The following FBXO27 variants were observed in gnomAD, a reference collection of about 807,000 sequenced individuals.
FBXO27 encodes the protein F-box only protein 27.
In FBXO27, 28 loss-of-function variants were observed where a neutral mutation model predicts 28.3. The observed-to-expected ratio is 0.99, with a 90% CI of 0.73 to 1.36. The LOEUF is 1.36. FBXO27 is among the 40% of genes most tolerant of loss of function. The pLI is 0.00. For synonymous variants in FBXO27, 175 were observed against 167.3 expected (o/e 1.05, Z -0.36); for missense variants, 388 against 394.1 (o/e 0.98, Z 0.13).
At chr19:39,029,086 T>C (rs1418319500) in intron 4 of FBXO27, among the ~76,000 whole-genome samples, 1 of 150,998 alleles carries the variant, frequency 6.6e-6, no homozygotes, top group African/African-American at 2.4e-5. Context: ...GATGTATCTC[T>C]TAATGAGATG....
At position 39,024,851 on chromosome 19, in the gene FBXO27, T is replaced by C. The variant is rs1235687571; in HGVS notation, c.*560A>G. On this transcript the variant is annotated 3_prime_UTR_variant, in exon 6 of 6. Transcript: ENST00000292853. ...AACTTTTTTTTTTTAACGTAGACTT[T>C]CAGCTGCATGACCTGGTCCCAGCCC... 1 of 152,474 alleles carries C rather than the reference T, an allele frequency of 6.6e-6. No individual in the cohort carries two copies. Among genetic ancestry groups the C allele is most frequent in the Non-Finnish European group, 1.5e-5 (1 of 68,408 alleles). The allele number at this position is 152,474 out of a possible 1,614,324, so 9.4% of individuals were successfully genotyped here. A position where few individuals can be genotyped will look rare whatever the true frequency, so the allele number is the denominator to read the frequency against.
At chr19:39,027,706 G>GT (rs924380425) in intron 4 of FBXO27, among the ~76,000 whole-genome samples, 2 of 152,080 alleles carry the variant, frequency 1.3e-5, no homozygotes, top group Admixed American at 6.5e-5. Flanking sequence ...TAGAGATGGG[G>GT]TTTTGCCATG....
At chr19:39,017,970 C>T (rs62121532) in intron 1 of FBXO27, among the ~76,000 whole-genome samples, 29,478 of 149,618 alleles carry the variant, frequency 0.2, 3,497 homozygotes, top group South Asian at 0.4. Context: ...ACACATCCTC[C>T]CATATACTTT....
At position 39,025,243 on chromosome 19, in the gene FBXO27, G is replaced by C; in HGVS notation, c.*168C>G. 1.1e-6 allele frequency: 1 copy of C among 871,114 alleles called. No individual in the cohort carries two copies. Among genetic ancestry groups the C allele is most frequent in the Non-Finnish European group, 1.7e-6 (1 of 582,388 alleles). The allele number at this position is 871,114 out of a possible 1,614,324, so 54.0% of individuals were successfully genotyped here. A position where few individuals can be genotyped will look rare whatever the true frequency, so the allele number is the denominator to read the frequency against. ...AAGATGGAAGAAGCTTCTTCTGGTA[G>C]TTTCTAGAACCTGAAGACAGGGCCC... On this transcript the variant is annotated 3_prime_UTR_variant, in exon 6 of 6. Coordinates refer to ENST00000292853, the MANE Select transcript of FBXO27 (RefSeq NM_178820.5).
At chr19:39,006,119 T>A (rs116026261) in intron 2 of FBXO27, among the ~76,000 whole-genome samples, 3,058 of 152,292 alleles carry the variant, frequency 0.02, 95 homozygotes, top group African/African-American at 0.069. Context: ...GGAGAGACAC[T>A]GTGCAAAGTA....
At chr19:39,029,811 GC>G (rs1482170116) in intron 4 of FBXO27, among the ~76,000 whole-genome samples, 2 of 152,118 alleles carry the variant, frequency 1.3e-5, no homozygotes, top group East Asian at 3.8e-4. Context: ...GTTCTGCCAA[GC>G]CCAGGCTGTG....
chr19:39,013,022 G>T (rs1202276185), intron 2 of FBXO27, among the ~76,000 whole-genome samples: 1 of 151,950 alleles, frequency 6.6e-6, no homozygotes, highest in African/African-American at 2.4e-5. Flanking sequence ...TTTTCAAAAT[G>T]TTTTTCTATA....
downstream of FBXO27, among the ~76,000 whole-genome samples, chr19:39,022,719 C>T (rs992864357): frequency 6.6e-6 from 1 of 152,160 alleles, no homozygotes; most frequent in Admixed American, 6.6e-5. Flanking sequence ...CGGGTTCAAG[C>T]GATTCTCCTG....
chr19:39,032,378 C>G lies in FBXO27; in HGVS notation c.-27+125G>C. On this transcript the variant is annotated intron_variant, in intron 1 of 5. Coordinates refer to ENST00000292853, the MANE Select transcript of FBXO27 (RefSeq NM_178820.5). This position sits in a 1 kb window ranked among gnomAD's most constrained non-coding sequence, Gnocchi z 4.7. ...ATCCCTGGGCCCCGTCCCCAAGTCC[C>G]CATCCCCCAGCCCGTCCTTGATAGC... 8.6e-7 allele frequency: 1 copy of G among 1,163,246 alleles called. No homozygotes were observed. Among genetic ancestry groups the G allele is most frequent in the Non-Finnish European group, 1.1e-6 (1 of 885,740 alleles). The allele number at this position is 1,163,246 out of a possible 1,614,324, so 72.1% of individuals were successfully genotyped here. A position where few individuals can be genotyped will look rare whatever the true frequency, so the allele number is the denominator to read the frequency against.
At chr19:39,007,428 T>C (rs1975743900) in intron 2 of FBXO27, among the ~76,000 whole-genome samples, 1 of 152,024 alleles carries the variant, frequency 6.6e-6, no homozygotes, top group Non-Finnish European at 1.5e-5. Context: ...GGTGGAAGTA[T>C]AGGGATCAAA....
chr19:39,013,178 C>G (rs1289593462), intron 2 of FBXO27, among the ~76,000 whole-genome samples: 2 of 152,090 alleles, frequency 1.3e-5, no homozygotes, highest in Non-Finnish European at 1.5e-5. Flanking sequence ...CTACAGGCCA[C>G]AGTTGCAACC....
At chr19:39,008,960 A>C (rs1327214604) in intron 2 of FBXO27, among the ~76,000 whole-genome samples, 2 of 152,172 alleles carry the variant, frequency 1.3e-5, no homozygotes, top group Non-Finnish European at 1.5e-5. Flanking sequence ...AGCTGGGATT[A>C]CAGGCACCCG....
At position 39,026,577 on chromosome 19, in the gene FBXO27, C is replaced by T. The variant is rs1282607357; in HGVS notation, c.708+293G>A. On this transcript the variant is annotated intron_variant, in intron 5 of 5. Coordinates refer to ENST00000292853, the MANE Select transcript of FBXO27 (RefSeq NM_178820.5). Reference sequence around the variant, plus strand: ...GCAACTTCTGCCTCCCAGATTCAAACGATTGCCTGCCTCAGCTTCCCGAGT... The same window carrying T: ...GCAACTTCTGCCTCCCAGATTCAAATGATTGCCTGCCTCAGCTTCCCGAGT... Among the ~76,000 whole-genome samples, 54 of 151,952 alleles carry T rather than the reference C, an allele frequency of 3.6e-4. 1 individual carries two copies. The highest frequency in any genetic ancestry group is 1.3e-4 in the Non-Finnish European group (9 of 67,970).
chr19:39,025,785 CA>C (rs1172646476), intron 5 of FBXO27, among the ~76,000 whole-genome samples: 1 of 152,060 alleles, frequency 6.6e-6, no homozygotes, highest in Admixed American at 6.6e-5. Context: ...GAGGCCGAGG[CA>C]GGTGGATTGC....
intron 1 of FBXO27, among the ~76,000 whole-genome samples, chr19:39,018,384 C>T (rs987342085): frequency 6.6e-6 from 1 of 152,164 alleles, no homozygotes; most frequent in Non-Finnish European, 1.5e-5. Flanking sequence ...AGCTTAAACA[C>T]CATGTGATGC....
rs778859564 is a variant in FBXO27 at position 39,025,500 on chromosome 19, G to A, written c.763C>T (p.His255Tyr). 6.2e-7 allele frequency: 1 copy of A among 1,614,148 alleles called. No homozygotes were observed. The highest frequency in any genetic ancestry group is 8.5e-7 in the Non-Finnish European group (1 of 1,180,034). Residue 255 changes from histidine (H) to tyrosine (Y), a missense_variant, in exon 6 of 6, where the codon CAC becomes TAC. Physicochemically the swap from His to Tyr is moderately conservative, Grantham distance 83. Transcript: ENST00000292853. ...KMGVRFVSFEHRGQDTQFWAG... is the reference protein window; with the variant it reads ...KMGVRFVSFEYRGQDTQFWAG... ...CAGAACTGTGTGTCCTGGCCCCGGT[G>A]TTCGAAAGACACAAAGCGGACGCCC...
At chr19:39,022,774 G>A (rs1013086227), downstream of FBXO27, among the ~76,000 whole-genome samples, 4 of 151,932 alleles carry the variant, frequency 2.6e-5, no homozygotes, top group South Asian at 2.1e-4. Flanking sequence ...CTGCTGCCAC[G>A]ACTGGCTAAT....
In FBXO27 at chr19:39,024,166, G is replaced by T. The variant is rs1428006343; in HGVS notation, c.*1245C>A. 1 of 152,030 alleles carries T rather than the reference G, an allele frequency of 6.6e-6. No individual in the cohort carries two copies. The highest frequency in any genetic ancestry group is 2.4e-5 in the African/African-American group (1 of 41,406). 9.4% of individuals were successfully genotyped at this position (152,030 alleles called of 1,614,324 possible). On this transcript the variant is annotated 3_prime_UTR_variant, in exon 6 of 6. Transcript: ENST00000292853. ...ACAATTACAGGTCCTTGAGGATCAG[G>T]GTTGGGCTCAGGGAATTACCTCGTT... is the stretch of plus-strand genomic sequence containing the variant.
chr19:39,019,420 G>A, downstream of FBXO27, among the ~76,000 whole-genome samples: 1 of 66,700 alleles, frequency 1.5e-5, no homozygotes, highest in Admixed American at 2.8e-4. Flanking sequence ...GTGAGACTCT[G>A]TCTCAAAAAA....
Sources: gnomAD v4.1 joint callset for allele counts (sites outside exome capture counted in the v4.1 genomes callset) on GRCh38, gnomAD v4.1.1 for gene constraint, Gnocchi (gnomAD v3.1) non-coding constraint, MANE v1.5 for transcripts, NCBI Gene and HGNC (gene_info 2026-07-23, HGNC 2026-07-21) for gene names.